The following PATJ variants were observed in gnomAD, a reference collection of about 807,000 sequenced individuals.
PATJ encodes the protein inaD-like protein.
PATJ carries 190 observed loss-of-function variants against 224.9 expected under a neutral mutation model. The observed-to-expected ratio is 0.84, with a 90% CI of 0.75 to 0.95. The LOEUF (loss-of-function observed/expected upper bound fraction) is 0.95. PATJ is among the 40% of genes least tolerant of loss of function. PATJ has a pLI of 0.00. For missense variants in PATJ, 2,121 were observed against 2,270.3 expected (o/e 0.93, Z 1.34); for synonymous variants, 769 against 820.3 (o/e 0.94, Z 1.07).
chr1:62,065,063 T>G (rs1656182482), intron 31 of PATJ, among the ~76,000 whole-genome samples: 2 of 152,226 alleles, frequency 1.3e-5, no homozygotes. Flanking sequence ...CTTTATCTCT[T>G]GTATTCCTGA....
rs117872828 is a variant in PATJ at position 61,941,990 on chromosome 1, A to T, written c.3670+14161A>T. On this transcript the variant is annotated intron_variant, in intron 27 of 43. Coordinates refer to ENST00000642238, the MANE Select transcript of PATJ (RefSeq NM_001350145.3). ...ATACAGTTTTGTTTTCATTCTTAACATGTGCTGTCACCAGATTATTGATCT... is the reference window on the plus strand; with the variant it reads ...ATACAGTTTTGTTTTCATTCTTAACTTGTGCTGTCACCAGATTATTGATCT... Among the ~76,000 whole-genome samples the T allele has an allele frequency of 3.2e-4, 49 of 152,310 alleles. No homozygotes were observed. In the East Asian group the frequency reaches 9.3e-3, roughly 29 times the overall value.
At chr1:61,822,429 G>GAAAAA (rs11427840) in intron 14 of PATJ, among the ~76,000 whole-genome samples, 5 of 116,534 alleles carry the variant, frequency 4.3e-5, no homozygotes, top group East Asian at 2.4e-4. Flanking sequence ...GACTGTGTCA[G>GAAAAA]AAAAAAAAAA....
intron 31 of PATJ, among the ~76,000 whole-genome samples, chr1:62,054,530 A>G (rs1654213063): frequency 6.6e-6 from 1 of 152,154 alleles, no homozygotes; most frequent in African/African-American, 2.4e-5. Context: ...ATTTCTTTAA[A>G]ATATTTTTAA....
intron 31 of PATJ, among the ~76,000 whole-genome samples, chr1:62,056,706 C>G (rs1426010933): frequency 6.6e-6 from 1 of 152,010 alleles, no homozygotes; most frequent in East Asian, 1.9e-4. Context: ...ACTTGAACCC[C>G]AGGGGCGGAG....
chr1:61,892,376 G>T (rs914902904), intron 22 of PATJ, among the ~76,000 whole-genome samples: 3 of 152,114 alleles, frequency 2.0e-5, no homozygotes, highest in Non-Finnish European at 4.4e-5. Context: ...AAGAGGAAAG[G>T]TCACCTTGGC....
chr1:62,034,400 G>A (rs1302426535), intron 29 of PATJ, among the ~76,000 whole-genome samples: 7 of 141,686 alleles, frequency 4.9e-5, no homozygotes, highest in South Asian at 2.2e-4. Flanking sequence ...CCGAGATCGC[G>A]CCACTGCACT....
At chr1:61,834,137 G>A (rs187731724) in intron 17 of PATJ, among the ~76,000 whole-genome samples, 21 of 152,148 alleles carry the variant, frequency 1.4e-4, no homozygotes, top group Non-Finnish European at 2.2e-4. Flanking sequence ...CAGTTCAGTC[G>A]TTTTTAGTAT....
rs187882273 is a variant in PATJ at position 61,827,974 on chromosome 1, C to T, written c.1980+391C>T. On this transcript the variant is annotated intron_variant, in intron 16 of 43. Transcript: ENST00000642238. ...TAAAATTATGAAACTCAGCCGGGCG[C>T]GGTGGCTCACACCTGTAATCCCAGC... Among the ~76,000 whole-genome samples, 643 of 152,166 alleles carry T rather than the reference C, an allele frequency of 4.2e-3. 6 individuals carry two copies. The highest frequency in any genetic ancestry group is 0.014 in the African/African-American group (600 of 41,510).
chr1:61,762,940 T>C (rs1237638320), intron 2 of PATJ, 26 bp downstream of exon 2: 2 of 1,505,786 alleles, frequency 1.3e-6, no homozygotes, highest in African/African-American at 2.8e-5. Flanking sequence ...TGTTCTATAA[T>C]TAAATTAATT....
intron 43 of PATJ, among the ~76,000 whole-genome samples, chr1:62,159,676 C>T (rs1669659280): frequency 6.6e-6 from 1 of 151,884 alleles, no homozygotes; most frequent in Non-Finnish European, 1.5e-5. Context: ...GCCTCAGCCT[C>T]CCGAGGAGCT....
chr1:61,895,069 G>A (rs1181660411), intron 22 of PATJ, among the ~76,000 whole-genome samples: 1 of 152,176 alleles, frequency 6.6e-6, no homozygotes, highest in African/African-American at 2.4e-5. Flanking sequence ...AGATGATTTA[G>A]GGTATCTGGC....
chr1:61,952,486 A>G, intron 27 of PATJ: 1 of 713,066 alleles, frequency 1.4e-6, no homozygotes, highest in Non-Finnish European at 2.6e-6. Flanking sequence ...GTTGGTGCAG[A>G]ATGTGGTTTT....
chr1:61,891,985 G>A (rs924610387), intron 22 of PATJ, among the ~76,000 whole-genome samples: 2 of 152,104 alleles, frequency 1.3e-5, no homozygotes, highest in African/African-American at 4.8e-5. Flanking sequence ...TCATACAGTA[G>A]CTACTTTTTT....
rs148393328 is a variant in PATJ, at chr1:61,763,024, G to A, written c.34G>A (p.Val12Met). The A allele has an allele frequency of 4.8e-5, 78 of 1,609,172 alleles. No homozygotes were observed. The African/African-American group carries it at 9.2e-4, about 19-fold the overall frequency. Reference sequence around the variant, plus strand: ...CATCTTGACCCAAGATAAACTGCAGGTGCTGCAGGTACTTGATCGCCTGAA... The same window carrying A: ...CATCTTGACCCAAGATAAACTGCAGATGCTGCAGGTACTTGATCGCCTGAA... ...PENPATDKLQ[V>M]LQVLDRLKMK... Residue 12 changes from valine to methionine, a missense_variant, in exon 3 of 44, where the codon GTG becomes ATG. Coordinates refer to ENST00000642238, the MANE Select transcript of PATJ (RefSeq NM_001350145.3).
intron 11 of PATJ, among the ~76,000 whole-genome samples, chr1:61,799,800 G>T (rs969839194): frequency 6.6e-6 from 1 of 152,176 alleles, no homozygotes. Context: ...AGAACATGGA[G>T]TGTTTAATTT....
chr1:62,159,887 CA>C (rs1669679780), intron 43 of PATJ, among the ~76,000 whole-genome samples: 1 of 152,130 alleles, frequency 6.6e-6, no homozygotes, highest in South Asian at 2.1e-4. Flanking sequence ...GAAATTCCAC[CA>C]TTCTCACGGT....
intron 27 of PATJ, among the ~76,000 whole-genome samples, 174 bp downstream of exon 27, chr1:61,928,003 T>G (rs925036423): frequency 6.6e-6 from 1 of 152,248 alleles, no homozygotes; most frequent in East Asian, 1.9e-4. Context: ...CCTAAGCTTT[T>G]CCCTTGGACA....
At position 61,840,032 on chromosome 1, in the gene PATJ, T is replaced by G. The variant is rs149400969; in HGVS notation, c.2112+6247T>G. 1.7e-3 allele frequency among the ~76,000 whole-genome samples: 254 copies of G among 152,046 alleles called. 2 individuals are homozygous for G. The highest frequency in any genetic ancestry group is 5.7e-3 in the African/African-American group (237 of 41,528). On this transcript the variant is annotated intron_variant, in intron 17 of 43. Transcript: ENST00000642238. The stretch of plus-strand genomic sequence containing the variant: ...TGGAAATATTTCTCCCTATAAAAAT[T>G]GACAGTTATTAATTTTTCTTAAAAG...
intron 17 of PATJ, among the ~76,000 whole-genome samples, chr1:61,851,929 A>T (rs1257763822): frequency 6.6e-6 from 1 of 151,904 alleles, no homozygotes; most frequent in Non-Finnish European, 1.5e-5. Flanking sequence ...CTCAGAGGAT[A>T]TAGGGAGGCC....
Sources: allele counts gnomAD v4.1 joint callset (sites outside exome capture counted in the v4.1 genomes callset), GRCh38; gene constraint gnomAD v4.1.1; transcripts MANE v1.5; gene names NCBI Gene and HGNC (gene_info 2026-07-23, HGNC 2026-07-21).